Variants in C10orf90 observed in about 807,000 individuals in gnomAD.
C10orf90 encodes (E2-independent) E3 ubiquitin-conjugating enzyme FATS.
A neutral mutation model predicts 62.5 loss-of-function variants in C10orf90; 56 were observed. The observed-to-expected ratio is 0.90, with a 90% CI of 0.72 to 1.12. C10orf90 has a LOEUF of 1.12. C10orf90 is among the 50% of genes most tolerant of loss of function. C10orf90 has a pLI of 0.00. For synonymous variants in C10orf90, 386 were observed against 340.4 expected, an observed-to-expected ratio of 1.13 and a Z score of -1.47; for missense variants, 970 against 880.4, an observed-to-expected ratio of 1.10 and a Z score of -1.29.
intron 2 of C10orf90, among the ~76,000 whole-genome samples, chr10:126,605,879 GCATA>G (rs71488504): frequency 0.011 from 1,624 of 142,786 alleles, 11 homozygotes; most frequent in African/African-American, 0.035. Context: ...ATACATACAT[GCATA>G]CATACATACA....
At chr10:126,515,122 C>T (rs1441454993) in intron 2 of C10orf90, among the ~76,000 whole-genome samples, 10 of 152,326 alleles carry the variant, frequency 6.6e-5, no homozygotes, top group African/African-American at 1.2e-4. Flanking sequence ...GACAACCTTT[C>T]GGTCAATGAA....
chr10:126,457,055 A>G (rs1449142659), intron 7 of C10orf90, among the ~76,000 whole-genome samples: 1 of 152,154 alleles, frequency 6.6e-6, no homozygotes, highest in Non-Finnish European at 1.5e-5. Context: ...TGGTGTGATC[A>G]TGGCTCACTG....
intron 2 of C10orf90, among the ~76,000 whole-genome samples, chr10:126,563,591 G>T (rs7894403): frequency 6.6e-6 from 1 of 152,002 alleles, no homozygotes; most frequent in Non-Finnish European, 1.5e-5. Flanking sequence ...CCTGGTGGCC[G>T]TGAGCCCAAT....
intron 7 of C10orf90, among the ~76,000 whole-genome samples, chr10:126,433,721 C>A (rs1298688076): frequency 6.6e-6 from 1 of 151,792 alleles, no homozygotes; most frequent in Non-Finnish European, 1.5e-5. Context: ...GAAAACAAAA[C>A]AAAACAAAAC....
At chr10:126,493,485 C>A (rs963715611) in intron 4 of C10orf90, among the ~76,000 whole-genome samples, 11 of 151,944 alleles carry the variant, frequency 7.2e-5, no homozygotes, top group Non-Finnish European at 1.3e-4. Flanking sequence ...CTAAGTCTCG[C>A]AAGTAGCTGG....
At chr10:126,483,963 T>C (rs7073845) in intron 4 of C10orf90, among the ~76,000 whole-genome samples, 152,128 of 152,230 alleles carry the variant, frequency 1, 76,013 homozygotes, top group Middle Eastern at 1. Flanking sequence ...ATCAACCCCC[T>C]GACCCCACCT....
Position 126,425,873 on chromosome 10 carries a change from A to C in C10orf90, c.2382T>G (p.Asn794Lys), listed in dbSNP as rs1466433971. The change falls in exon 10 of 10, where the codon AAT becomes AAG. Residue 794 changes from asparagine to lysine, a missense_variant. Transcript: ENST00000488181. The part of the protein sequence containing the change: ...KQLLDQLLQR[N>K]AV ...GCAGGGCAGCCTGTGGTTAGACCGCATTCCTTTGAAGGAGCTGGTCCAGTA... is the reference window on the plus strand; with the variant it reads ...GCAGGGCAGCCTGTGGTTAGACCGCCTTCCTTTGAAGGAGCTGGTCCAGTA... 1 of 1,614,136 alleles carries C rather than the reference A, an allele frequency of 6.2e-7. No individual in the cohort carries two copies. Among genetic ancestry groups the C allele is most frequent in the East Asian group, 2.2e-5 (1 of 44,854 alleles).
At chr10:126,512,364 ATG>A (rs1863171281) in intron 3 of C10orf90, among the ~76,000 whole-genome samples, 3 of 26,020 alleles carry the variant, frequency 1.2e-4, no homozygotes, top group African/African-American at 4.3e-4. Flanking sequence ...GTGTGTGTGT[ATG>A]TGTGTCTGTG....
intron 2 of C10orf90, among the ~76,000 whole-genome samples, chr10:126,590,980 C>A (rs1354956580): frequency 1.3e-5 from 2 of 152,160 alleles, no homozygotes; most frequent in East Asian, 1.9e-4. Flanking sequence ...TACACCCTCC[C>A]AAGACTGAAC....
intron 4 of C10orf90, among the ~76,000 whole-genome samples, chr10:126,490,005 TATATATATTATATATA>T (rs1177644673): frequency 1.8e-4 from 15 of 84,856 alleles, no homozygotes; most frequent in East Asian, 6.4e-4. Flanking sequence ...TATTATATAT[TATATATATTATATATA>T]ATATATAATA....
At chr10:126,485,774 A>G (rs1861397735) in intron 4 of C10orf90, among the ~76,000 whole-genome samples, 1 of 137,572 alleles carries the variant, frequency 7.3e-6, no homozygotes, top group Admixed American at 7.0e-5. Flanking sequence ...CCCTATCTCT[A>G]TTAAAAAAAA....
intron 2 of C10orf90, among the ~76,000 whole-genome samples, chr10:126,613,902 C>T (rs907577777): frequency 2.6e-5 from 4 of 152,142 alleles, no homozygotes; most frequent in African/African-American, 9.7e-5. Context: ...ATGACCTGAC[C>T]CTCACCCCAT....
intron 4 of C10orf90, among the ~76,000 whole-genome samples, chr10:126,490,948 A>G (rs913491352): frequency 5.9e-5 from 9 of 152,168 alleles, no homozygotes; most frequent in African/African-American, 1.7e-4. Context: ...ATCTACAAAA[A>G]CACTACTAAG....
Position 126,466,166 on chromosome 10 carries a change from C to T in C10orf90, c.1535-1180G>A, listed in dbSNP as rs149161505. ...ATGCCACCCAAGAGAAATGGCCCCA[C>T]CATTGCTGCCAGTGGGAATGCGTCC... On this transcript the variant is annotated intron_variant, in intron 4 of 9. Transcript: ENST00000488181. Among the ~76,000 whole-genome samples, 609 of 152,202 alleles carry T rather than the reference C, an allele frequency of 4.0e-3. 3 individuals carry two copies. The highest frequency in any genetic ancestry group is 6.6e-3 in the Non-Finnish European group (450 of 68,018).
At chr10:126,505,165 G>A in intron 3 of C10orf90, 80 bp from the exon 4 acceptor site, 2 of 1,436,394 alleles carry the variant, frequency 1.4e-6, no homozygotes, top group Non-Finnish European at 1.9e-6. Flanking sequence ...GGGCCACCAG[G>A]ATGCCAGAGC....
intron 2 of C10orf90, among the ~76,000 whole-genome samples, chr10:126,622,950 G>A (rs757568812): frequency 5.9e-5 from 9 of 152,162 alleles, no homozygotes; most frequent in Non-Finnish European, 1.0e-4. Context: ...TAGCAATATT[G>A]GAAAGCTTCG....
chr10:126,557,011 A>T (rs796495906), intron 2 of C10orf90, among the ~76,000 whole-genome samples: 26 of 28,476 alleles, frequency 9.1e-4, no homozygotes, highest in Middle Eastern at 0.019. Flanking sequence ...TAATCAATTT[A>T]AAAAAAAAAA....
At chr10:126,638,088 C>T (rs535190981) in intron 2 of C10orf90, among the ~76,000 whole-genome samples, 14 of 152,322 alleles carry the variant, frequency 9.2e-5, no homozygotes, top group African/African-American at 3.1e-4. Context: ...TCGTTGCTGA[C>T]ATGGAACAGC....
intron 2 of C10orf90, among the ~76,000 whole-genome samples, chr10:126,546,022 C>T (rs1163389289): frequency 6.6e-6 from 1 of 152,062 alleles, no homozygotes. Flanking sequence ...TGACGAATTC[C>T]CTGGATTTTC....
Sources: gnomAD v4.1 joint callset for allele counts (sites outside exome capture counted in the v4.1 genomes callset) on GRCh38, gnomAD v4.1.1 for gene constraint, MANE v1.5 for transcripts, NCBI Gene and HGNC (gene_info 2026-07-23, HGNC 2026-07-21) for gene names.